Variants in COLEC12 observed in about 807,000 individuals in gnomAD.
COLEC12 encodes collectin subfamily member 12.
Under a neutral mutation model 71.1 loss-of-function variants are expected in COLEC12, and 33 were observed. The observed-to-expected ratio is 0.46, with a 90% CI of 0.35 to 0.62. The LOEUF is 0.62. COLEC12 is among the 20% of genes least tolerant of loss of function. The pLI, the probability that COLEC12 is intolerant of heterozygous loss-of-function variation, is 0.00. For missense variants in COLEC12, 765 were observed against 916.1 expected (o/e 0.84, Z 2.13); for synonymous variants, 350 against 353.0 (o/e 0.99, Z 0.10).
intron 2 of COLEC12, among the ~76,000 whole-genome samples, chr18:378,570 C>T (rs1316772287): frequency 6.6e-6 from 1 of 152,164 alleles, no homozygotes; most frequent in African/African-American, 2.4e-5. Flanking sequence ...AATTCTCGAC[C>T]TCCAGGGCCT....
At chr18:406,261 G>A (rs1567898366) in intron 2 of COLEC12, among the ~76,000 whole-genome samples, 1 of 152,124 alleles carries the variant, frequency 6.6e-6, no homozygotes, top group Non-Finnish European at 1.5e-5. Flanking sequence ...TGTAATCCCA[G>A]CACTTTGGGA....
chr18:476,967 G>C (rs1408527007), intron 2 of COLEC12, among the ~76,000 whole-genome samples: 2 of 152,142 alleles, frequency 1.3e-5, no homozygotes, highest in Non-Finnish European at 2.9e-5. Flanking sequence ...TGACGCTTTT[G>C]TCAGAGGAGC....
chr18:446,642 G>A (rs1044437555), intron 2 of COLEC12, among the ~76,000 whole-genome samples: 3 of 151,792 alleles, frequency 2.0e-5, no homozygotes, highest in African/African-American at 2.4e-5. Flanking sequence ...CCAGGAGGTT[G>A]AGGACCTTCC....
At chr18:460,631 C>G (rs2846671) in intron 2 of COLEC12, among the ~76,000 whole-genome samples, 124,045 of 152,190 alleles carry the variant, frequency 0.82, 50,881 homozygotes, top group East Asian at 0.99. Flanking sequence ...CTGACAACCT[C>G]AACATTGACC....
intron 2 of COLEC12, among the ~76,000 whole-genome samples, chr18:369,385 C>CTTTTTTTTTTTTTTTTTTTTTT (rs55923005): frequency 7.3e-6 from 1 of 136,234 alleles, no homozygotes; most frequent in African/African-American, 2.7e-5. Context: ...TGATACAGAT[C>CTTTTTTTTTTTTTTTTTTTTTT]TTTTTTTTTT....
At position 399,366 on chromosome 18, in the gene COLEC12, T is replaced by A. The variant is rs1369893255; in HGVS notation, c.59-41844A>T. ...CAGACGAGAGGCTTTTTGGAAGGGTTCTCATCACTGTGTAGCGCGCAGCTC... is the reference window on the plus strand; with the variant it reads ...CAGACGAGAGGCTTTTTGGAAGGGTACTCATCACTGTGTAGCGCGCAGCTC... On this transcript the variant is annotated intron_variant, in intron 2 of 9. Transcript: ENST00000400256. The surrounding 1 kb of genome is among the most constrained non-coding windows in gnomAD (Gnocchi z 4.0). 6.6e-6 allele frequency among the ~76,000 whole-genome samples: 1 copy of A among 152,170 alleles called. No homozygotes were observed. The highest frequency in any genetic ancestry group is 1.5e-5 in the Non-Finnish European group (1 of 68,026).
chr18:349,407 G>A (rs1425946614), intron 3 of COLEC12, among the ~76,000 whole-genome samples: 3 of 152,242 alleles, frequency 2.0e-5, no homozygotes, highest in Non-Finnish European at 2.9e-5. Context: ...TTCAGAGGAT[G>A]TATGGGAACT....
Position 441,179 on chromosome 18 carries a change from C to T in COLEC12, c.58+39528G>A, listed in dbSNP as rs926018309. On this transcript the variant is annotated intron_variant, in intron 2 of 9. Coordinates refer to ENST00000400256, the MANE Select transcript of COLEC12 (RefSeq NM_130386.3). ...AGGAGAATGGCGTGAACCCGGGAGG[C>T]GGAGCTTGCAGTGAGCCGAGATTGT... Among the ~76,000 whole-genome samples, 15 of 149,098 alleles carry T rather than the reference C, an allele frequency of 1.0e-4. No homozygotes were observed. The South Asian group carries it at 1.8e-3, about 17-fold the overall frequency.
intron 2 of COLEC12, among the ~76,000 whole-genome samples, chr18:463,568 G>A (rs1368638149): frequency 6.6e-6 from 1 of 152,158 alleles, no homozygotes; most frequent in African/African-American, 2.4e-5. Context: ...GGAGTTCGCT[G>A]AGACTGCACA....
At chr18:324,232 C>T (rs1482711573) in intron 8 of COLEC12, among the ~76,000 whole-genome samples, 2 of 151,954 alleles carry the variant, frequency 1.3e-5, no homozygotes, top group African/African-American at 2.4e-5. Context: ...TAATATAGAA[C>T]GTAACGTGTC....
chr18:403,355 T>G (rs980805401), intron 2 of COLEC12, among the ~76,000 whole-genome samples: 13 of 152,214 alleles, frequency 8.5e-5, no homozygotes, highest in Admixed American at 2.6e-4. Context: ...GGTGTCATTA[T>G]AAATATATGA....
chr18:390,096 ATTTCACAG>A (rs1011116234), intron 2 of COLEC12, among the ~76,000 whole-genome samples: 4 of 152,228 alleles, frequency 2.6e-5, no homozygotes, highest in African/African-American at 9.6e-5. Context: ...ACTGAGACTT[ATTTCACAG>A]TGCCATCTCA....
chr18:453,513 GAC>G (rs748183155), intron 2 of COLEC12, among the ~76,000 whole-genome samples: 4 of 152,136 alleles, frequency 2.6e-5, no homozygotes, highest in Non-Finnish European at 4.4e-5. Context: ...GAGGGAACCA[GAC>G]ACATAGGATT....
chr18:333,162 A>C lies in COLEC12; in HGVS notation c.1817-19T>G. The C allele has an allele frequency of 6.3e-7, 1 of 1,577,994 alleles. No homozygotes were observed. The highest frequency in any genetic ancestry group is 8.6e-7 in the Non-Finnish European group (1 of 1,165,638). ...GGGCAGCCTAGGAATGCAAAAGTGG[A>C]AAACATTGATTAAAAGATCACAGAA... On this transcript the variant is annotated intron_variant, in intron 6 of 9. Coordinates refer to ENST00000400256, the MANE Select transcript of COLEC12 (RefSeq NM_130386.3).
chr18:326,357 GT>G (rs530478859), intron 8 of COLEC12, among the ~76,000 whole-genome samples: 15 of 151,438 alleles, frequency 9.9e-5, no homozygotes, highest in Admixed American at 4.0e-4. Flanking sequence ...TTTTGTTTTT[GT>G]TTTTTTTGAG....
At chr18:419,194 T>TTCTAC (rs1598357402) in intron 2 of COLEC12, among the ~76,000 whole-genome samples, 1 of 145,852 alleles carries the variant, frequency 6.9e-6, no homozygotes, top group African/African-American at 2.5e-5. Context: ...TTCTATTCTA[T>TTCTAC]TCTATTCTAT....
intron 2 of COLEC12, among the ~76,000 whole-genome samples, chr18:456,422 A>G (rs1916873065): frequency 6.6e-6 from 1 of 152,202 alleles, no homozygotes; most frequent in Non-Finnish European, 1.5e-5. Context: ...AGGCCCACAC[A>G]GATGAGACGC....
chr18:469,472 T>C (rs1917151836), intron 2 of COLEC12, among the ~76,000 whole-genome samples: 1 of 152,214 alleles, frequency 6.6e-6, no homozygotes, highest in Non-Finnish European at 1.5e-5. Flanking sequence ...ACATTATGGA[T>C]AGGTAGTAAA....
intron 1 of COLEC12, among the ~76,000 whole-genome samples, chr18:482,501 C>T (rs1463920834): frequency 6.6e-6 from 1 of 152,154 alleles, no homozygotes; most frequent in Non-Finnish European, 1.5e-5. Context: ...CCCCAGCACA[C>T]AACTTTCTCT....
Sources: allele counts gnomAD v4.1 joint callset (sites outside exome capture counted in the v4.1 genomes callset), GRCh38; gene constraint gnomAD v4.1.1; non-coding constraint Gnocchi (gnomAD v3.1); transcripts MANE v1.5; gene names NCBI Gene and HGNC (gene_info 2026-07-23, HGNC 2026-07-21).